Variants in PCDHGB2 observed in about 807,000 individuals in gnomAD.
PCDHGB2 encodes the protein protocadherin gamma-B2.
Under a neutral mutation model 59.3 loss-of-function variants are expected in PCDHGB2, and 55 were observed. That is an observed-to-expected ratio of 0.93 (90% CI 0.75 to 1.16). PCDHGB2 has a LOEUF of 1.16. PCDHGB2 is among the 50% of genes most tolerant of loss of function. PCDHGB2 has a pLI of 0.00. For missense variants in PCDHGB2, 1,228 were observed against 1,198.5 expected (o/e 1.02, Z -0.36); for synonymous variants, 516 against 512.0 (o/e 1.01, Z -0.11).
rs918375556 is a variant in PCDHGB2, at chr5:141,489,318, G to C, written c.2422-5489G>C. 6.3e-7 allele frequency: 1 copy of C among 1,598,974 alleles called. No individual in the cohort carries two copies. Among genetic ancestry groups the C allele is most frequent in the African/African-American group, 1.3e-5 (1 of 74,510 alleles). On this transcript the variant is annotated intron_variant, in intron 1 of 3. Coordinates refer to ENST00000522605, the MANE Select transcript of PCDHGB2 (RefSeq NM_018923.3). The surrounding 1 kb of genome is among the most constrained non-coding windows in gnomAD (Gnocchi z 4.5). ...TGTTGTCCTTGTGCTGCTGGGGCTG[G>C]GTGTCTGGGCAGCTTCGTTACTCAG...
In PCDHGB2 at chr5:141,383,779, C is replaced by G. The variant is rs1779468390; in HGVS notation, c.2421+21223C>G. 1 of 1,614,002 alleles carries G rather than the reference C, an allele frequency of 6.2e-7. No homozygotes were observed. ...TCCTAAACTTCCAAAGATGTTTCATCTGAACTCGCTTACAGGAGAAATATC... is the reference window on the plus strand; with the variant it reads ...TCCTAAACTTCCAAAGATGTTTCATGTGAACTCGCTTACAGGAGAAATATC... On this transcript the variant is annotated intron_variant, in intron 1 of 3. Coordinates refer to ENST00000522605, the MANE Select transcript of PCDHGB2 (RefSeq NM_018923.3).
At chr5:141,401,115 G>A (rs923480761) in intron 1 of PCDHGB2, among the ~76,000 whole-genome samples, 8 of 152,092 alleles carry the variant, frequency 5.3e-5, no homozygotes, top group Admixed American at 3.9e-4. Context: ...AGGCCGAGGC[G>A]GTTGGATCAC....
chr5:141,400,175 A>G (rs374505357), intron 1 of PCDHGB2: 1 of 1,613,918 alleles, frequency 6.2e-7, no homozygotes, highest in Non-Finnish European at 8.5e-7. Flanking sequence ...CCCCAGGCTG[A>G]GCTGCAGTTT....
intron 1 of PCDHGB2, chr5:141,476,000 T>A (rs2099383773): frequency 1.6e-6 from 2 of 1,225,380 alleles, no homozygotes; most frequent in African/African-American, 1.5e-5. Flanking sequence ...ATCAACGGCA[T>A]CCAGAAAGCC....
intron 1 of PCDHGB2, chr5:141,423,748 T>TG: frequency 7.2e-6 from 2 of 278,014 alleles, no homozygotes; most frequent in Admixed American, 4.2e-4. Flanking sequence ...ATGAAAACTG[T>TG]TTGGGGGGGG....
chr5:141,418,586 A>C lies in PCDHGB2; in HGVS notation c.2421+56030A>C, dbSNP rs1422171892. ...TGCCAATGACAACCCCCCAGTGTTC[A>C]GCCAGGACGTGTACAGGGTTAGCCT... On this transcript the variant is annotated intron_variant, in intron 1 of 3. Transcript: ENST00000522605. The C allele has an allele frequency of 1.9e-6, 3 of 1,613,930 alleles. No individual in the cohort carries two copies. In the Admixed American group the frequency reaches 5.0e-5, roughly 27 times the overall value.
In PCDHGB2 at chr5:141,362,453, A is replaced by G. The variant is rs759632771; in HGVS notation, c.2318A>G (p.Glu773Gly). ...TTCAATTTTCTGAACATAACCCCGG[A>G]ATTGGTTCCCGCGCAAGATCTCGTC... Reference protein sequence around the residue: ...TEFNFLNITPELVPAQDLVCD... With the variant: ...TEFNFLNITPGLVPAQDLVCD... Residue 773 changes from glutamate (E) to glycine (G), a missense_variant, in exon 1 of 4, where the codon GAA (glutamate) becomes GGA (glycine). Glu to Gly is a moderately conservative substitution (Grantham distance 98, BLOSUM62 -2). This residue lies in a region of PCDHGB2 where 433 missense variants were observed against 441.8 expected (regional missense o/e 0.98). Transcript: ENST00000522605. 1 of 1,614,024 alleles carries G rather than the reference A, an allele frequency of 6.2e-7. No homozygotes were observed. Among genetic ancestry groups the G allele is most frequent in the South Asian group, 1.1e-5 (1 of 91,078 alleles).
At chr5:141,370,272 A>T (rs1331315673) in intron 1 of PCDHGB2, 1 of 794,344 alleles carries the variant, frequency 1.3e-6, no homozygotes, top group Non-Finnish European at 1.9e-6. Context: ...TGCAGCGGAG[A>T]CACCCATTAG....
chr5:141,416,053 A>T (rs2095987443), intron 1 of PCDHGB2: 1 of 181,266 alleles, frequency 5.5e-6, no homozygotes, highest in South Asian at 1.8e-4. Flanking sequence ...CACAACCCAA[A>T]TCCAAGAATA....
Position 141,370,893 on chromosome 5 carries a change from C to G in PCDHGB2, c.2421+8337C>G, listed in dbSNP as rs116495533. On this transcript the variant is annotated intron_variant, in intron 1 of 3. Coordinates refer to ENST00000522605, the MANE Select transcript of PCDHGB2 (RefSeq NM_018923.3). ...AGATCCTGATGTAGGTGTCAATTCG[C>G]TGCAGCAGTACTACCTCAGCCCTGA... The G allele has an allele frequency of 1.9e-3, 3,002 of 1,614,052 alleles. 48 individuals carry two copies. In the African/African-American group the frequency reaches 0.033, roughly 18 times the overall value.
At chr5:141,365,680 C>T in intron 1 of PCDHGB2, 1 of 1,613,514 alleles carries the variant, frequency 6.2e-7, no homozygotes, top group Non-Finnish European at 8.5e-7. Flanking sequence ...ACAACCCACC[C>T]AATTTCCCTC....
At chr5:141,377,786 A>G (rs1774350895) in intron 1 of PCDHGB2, 1 of 152,178 alleles carries the variant, frequency 6.6e-6, no homozygotes, top group African/African-American at 2.4e-5. Flanking sequence ...GACCTGAATA[A>G]CATTCCTGTA....
chr5:141,486,722 G>C lies in PCDHGB2; in HGVS notation c.2422-8085G>C, dbSNP rs1235454839. The C allele has an allele frequency of 6.2e-7, 1 of 1,614,200 alleles. No homozygotes were observed. Among genetic ancestry groups the C allele is most frequent in the East Asian group, 2.2e-5 (1 of 44,874 alleles). ...CTCTCTGAACCCCCAGACAGGAGCT[G>C]TTCATGCTACTCGATCCTTTGACTA... On this transcript the variant is annotated intron_variant, in intron 1 of 3. Transcript: ENST00000522605. This position sits in a 1 kb window ranked among gnomAD's most constrained non-coding sequence, Gnocchi z 5.0.
chr5:141,389,541 C>A, intron 1 of PCDHGB2: 2 of 1,613,242 alleles, frequency 1.2e-6, no homozygotes, highest in Non-Finnish European at 1.7e-6. Context: ...AGTGGACGAC[C>A]GCAACGACAA....
Position 141,389,722 on chromosome 5 carries a change from G to C in PCDHGB2, c.2421+27166G>C, listed in dbSNP as rs141134077. 15,348 of 1,612,674 alleles carry C rather than the reference G, an allele frequency of 9.5e-3. 102 individuals are homozygous for C. The highest frequency in any genetic ancestry group is 0.028 in the Middle Eastern group (161 of 5,786). On this transcript the variant is annotated intron_variant, in intron 1 of 3. Coordinates refer to ENST00000522605, the MANE Select transcript of PCDHGB2 (RefSeq NM_018923.3). ...CACGTGCTGCAGGCTAGCGAGCCCG[G>C]GCTCTTCAGCCTGGGGCTGCGCACG...
intron 1 of PCDHGB2, chr5:141,364,780 A>C (rs1217288326): frequency 6.2e-7 from 1 of 1,614,006 alleles, no homozygotes; most frequent in Non-Finnish European, 8.5e-7. Flanking sequence ...CTGCAGGGAC[A>C]CGGTTAGTGC....
chr5:141,487,802 C>G lies in PCDHGB2; in HGVS notation c.2422-7005C>G. On this transcript the variant is annotated intron_variant, in intron 1 of 3. Transcript: ENST00000522605. The surrounding 1 kb of genome is among the most constrained non-coding windows in gnomAD (Gnocchi z 5.0). ...TTTCGTGAATTAACCAGAGTTGTCACAGTTTAGCATTGGGGGCGGGTCATG... is the reference window on the plus strand; with the variant it reads ...TTTCGTGAATTAACCAGAGTTGTCAGAGTTTAGCATTGGGGGCGGGTCATG... 6.8e-7 allele frequency: 1 copy of G among 1,477,424 alleles called. No homozygotes were observed. The allele number at this position is 1,477,424 out of a possible 1,614,324, so 91.5% of individuals were successfully genotyped here.
At chr5:141,366,522 G>C (rs1159035033) in intron 1 of PCDHGB2, 2 of 1,614,158 alleles carry the variant, frequency 1.2e-6, no homozygotes, top group Non-Finnish European at 1.7e-6. Context: ...GAAGGCAGCA[G>C]GTTGGCGGGT....
At chr5:141,381,826 CTT>C (rs770630741) in intron 1 of PCDHGB2, among the ~76,000 whole-genome samples, 2,382 of 74,222 alleles carry the variant, frequency 0.032, 21 homozygotes, top group African/African-American at 0.07. Context: ...CTTTCTTCTT[CTT>C]TTTTTTTTTT....
Sources: gnomAD v4.1 joint callset for allele counts (sites outside exome capture counted in the v4.1 genomes callset) on GRCh38, gnomAD v4.1.1 for gene constraint, gnomAD v4.1.1 regional missense constraint, Gnocchi (gnomAD v3.1) non-coding constraint, MANE v1.5 for transcripts, NCBI Gene and HGNC (gene_info 2026-07-23, HGNC 2026-07-21) for gene names.